The following MMP26 variants were observed in gnomAD, a reference collection of about 807,000 sequenced individuals.
MMP26 encodes matrix metallopeptidase 26, also known as matrix metalloproteinase-26.
A neutral mutation model predicts 31.0 loss-of-function variants in MMP26; 33 were observed. That is an observed-to-expected ratio of 1.06 (90% CI 0.81 to 1.42). The LOEUF (loss-of-function observed/expected upper bound fraction) is 1.42, where lower values mean the gene tolerates loss of function less well. MMP26 is among the 40% of genes most tolerant of loss of function. MMP26 has a pLI of 0.00. For missense variants in MMP26, 347 were observed against 316.1 expected (o/e 1.10, Z -0.74); for synonymous variants, 122 against 114.9 (o/e 1.06, Z -0.40).
At chr11:4,920,131 T>C (rs555555732) in intron 2 of MMP26, among the ~76,000 whole-genome samples, 2 of 152,142 alleles carry the variant, frequency 1.3e-5, no homozygotes, top group Non-Finnish European at 2.9e-5. Flanking sequence ...TAGGCTATTA[T>C]GTTTTGTGGA....
intron 2 of MMP26, chr11:4,848,532 C>A: frequency 1.2e-6 from 2 of 1,613,034 alleles, no homozygotes; most frequent in Non-Finnish European, 1.7e-6. Flanking sequence ...GCCAATCAGG[C>A]CATAGGAGAA....
chr11:4,844,587 G>T (rs1049595731), intron 2 of MMP26, among the ~76,000 whole-genome samples: 3 of 152,034 alleles, frequency 2.0e-5, no homozygotes, highest in African/African-American at 7.2e-5. Flanking sequence ...CTGTATCCCT[G>T]GGACACAAGA....
At chr11:4,785,152 T>A (rs550826662) in intron 2 of MMP26, among the ~76,000 whole-genome samples, 2 of 152,220 alleles carry the variant, frequency 1.3e-5, no homozygotes, top group Non-Finnish European at 2.9e-5. Context: ...TAACCAACCA[T>A]CCCAGTTTGC....
At chr11:4,822,131 G>T (rs565104047) in intron 2 of MMP26, 7 of 1,612,292 alleles carry the variant, frequency 4.3e-6, no homozygotes, top group Admixed American at 1.7e-5. Flanking sequence ...GAAGAGAGGC[G>T]GAAAGCCTTC....
At chr11:4,820,643 T>A (rs563102494) in intron 2 of MMP26, among the ~76,000 whole-genome samples, 1 of 152,124 alleles carries the variant, frequency 6.6e-6, no homozygotes, top group East Asian at 1.9e-4. Flanking sequence ...CTTCTTCTCC[T>A]CCTCCTCTGT....
At chr11:4,913,271 T>G (rs1010039566) in intron 2 of MMP26, 2 of 152,196 alleles carry the variant, frequency 1.3e-5, no homozygotes, top group Admixed American at 1.3e-4. Flanking sequence ...GACAGGCATA[T>G]CCAATGTTAA....
chr11:4,745,527 A>G (rs886979862), intron 1 of MMP26, among the ~76,000 whole-genome samples: 1 of 152,220 alleles, frequency 6.6e-6, no homozygotes, highest in Non-Finnish European at 1.5e-5. Context: ...CGCCACATGC[A>G]CATCCTACCC....
chr11:4,941,255 C>A (rs200115598), intron 2 of MMP26, among the ~76,000 whole-genome samples: 2 of 152,170 alleles, frequency 1.3e-5, no homozygotes, highest in East Asian at 3.9e-4. Context: ...CAAGAATGAA[C>A]AAACCATGGG....
chr11:4,915,254 T>C (rs890993383), intron 2 of MMP26: 1 of 1,613,760 alleles, frequency 6.2e-7, no homozygotes, highest in Non-Finnish European at 8.5e-7. Flanking sequence ...AATGGAAACA[T>C]AGTGCAAGGG....
intron 2 of MMP26, among the ~76,000 whole-genome samples, chr11:4,902,758 A>C (rs1199718276): frequency 2.4e-4 from 37 of 152,174 alleles, no homozygotes; most frequent in Admixed American, 2.4e-3. Flanking sequence ...TAACATGGAG[A>C]ATATGTAATC....
At chr11:4,938,803 G>A (rs947815497) in intron 2 of MMP26, among the ~76,000 whole-genome samples, 16 of 151,946 alleles carry the variant, frequency 1.1e-4, no homozygotes, top group Non-Finnish European at 2.2e-4. Context: ...TTGAAGTAAT[G>A]GCAGAACTGG....
chr11:4,990,628 A>G lies in MMP26; in HGVS notation c.351A>G (p.Pro117=). ...RIINYPHDMK[P]SAVKDSIYNA... is the part of the protein sequence containing the mutation. Reference sequence around the variant, plus strand: ...TCAATTACCCACATGATATGAAGCCATCCGCAGTGAAAGACAGTATATATA... The same window carrying G: ...TCAATTACCCACATGATATGAAGCCGTCCGCAGTGAAAGACAGTATATATA... The change falls in exon 5 of 8, where the codon CCA becomes CCG. Residue 117 remains proline, a synonymous_variant. Transcript: ENST00000380390. 1 of 1,613,742 alleles carries G rather than the reference A, an allele frequency of 6.2e-7. No homozygotes were observed. Among genetic ancestry groups the G allele is most frequent in the Non-Finnish European group, 8.5e-7 (1 of 1,179,738 alleles).
Position 4,946,181 on chromosome 11 carries a change from T to C in MMP26, c.-144-41887T>C, listed in dbSNP as rs766798981. 2.5e-6 allele frequency: 4 copies of C among 1,613,996 alleles called. No homozygotes were observed. In the Admixed American group the frequency reaches 6.7e-5, roughly 27 times the overall value. On this transcript the variant is annotated intron_variant, in intron 2 of 7. Transcript: ENST00000380390. ...CTGTTAAATCTTCCGTTGACACAAT[T>C]TTGCTACAACTCTCACTCTAATCTG...
In MMP26 at chr11:4,728,236, A is replaced by G. The variant is rs1043864411; in HGVS notation, c.-217+23191A>G. 2.6e-5 allele frequency among the ~76,000 whole-genome samples: 4 copies of G among 152,372 alleles called. No individual in the cohort carries two copies. In the East Asian group the frequency reaches 5.8e-4, roughly 22 times the overall value. ...GGGAAATGGTTCCTTGTTAAACATTATATTATAATCCAAGAAGAAATTAAA... is the reference window on the plus strand; with the variant it reads ...GGGAAATGGTTCCTTGTTAAACATTGTATTATAATCCAAGAAGAAATTAAA... On this transcript the variant is annotated intron_variant, in intron 1 of 7. Transcript: ENST00000380390.
chr11:4,806,947 G>A lies in MMP26; in HGVS notation c.-145+39606G>A, dbSNP rs542471255. On this transcript the variant is annotated intron_variant, in intron 2 of 7. Coordinates refer to ENST00000380390, the MANE Select transcript of MMP26 (RefSeq NM_021801.5). Reference sequence around the variant, plus strand: ...TATATCACCCTCAAATTGTCGTGGGGACAGTCCCCCAGCTTCAGGGGTACC... The same window carrying A: ...TATATCACCCTCAAATTGTCGTGGGAACAGTCCCCCAGCTTCAGGGGTACC... Among the ~76,000 whole-genome samples the A allele has an allele frequency of 7.9e-5, 12 of 152,174 alleles. No individual in the cohort carries two copies. The South Asian group carries it at 2.5e-3, about 32-fold the overall frequency.
intron 2 of MMP26, among the ~76,000 whole-genome samples, chr11:4,810,884 A>AAGC (rs1849340812): frequency 6.6e-6 from 1 of 152,224 alleles, no homozygotes; most frequent in Non-Finnish European, 1.5e-5. Context: ...GAAAACATAT[A>AAGC]AGCATGCAAA....
chr11:4,908,086 C>T (rs752873592), intron 2 of MMP26: 1 of 1,614,078 alleles, frequency 6.2e-7, no homozygotes, highest in Non-Finnish European at 8.5e-7. Context: ...CCCTAAATAC[C>T]TGTGTCTCCC....
chr11:4,730,403 A>AG (rs1491197759), intron 1 of MMP26, among the ~76,000 whole-genome samples: 157 of 137,678 alleles, frequency 1.1e-3, no homozygotes, highest in African/African-American at 4.1e-3. Context: ...GGTTTCTGGG[A>AG]AAGAGAGAGA....
chr11:4,717,319 G>T lies in MMP26; in HGVS notation c.-217+12274G>T, dbSNP rs574370879. Among the ~76,000 whole-genome samples the T allele has an allele frequency of 8.3e-4, 127 of 152,262 alleles. 1 individual carries two copies. The highest frequency in any genetic ancestry group is 2.7e-3 in the African/African-American group (114 of 41,550). ...TGGATTGCGGCTTGCACTCAGTAATGTTTGATGTTAAACAAAGCTAACATC... is the reference window on the plus strand; with the variant it reads ...TGGATTGCGGCTTGCACTCAGTAATTTTTGATGTTAAACAAAGCTAACATC... On this transcript the variant is annotated intron_variant, in intron 1 of 7. Coordinates refer to ENST00000380390, the MANE Select transcript of MMP26 (RefSeq NM_021801.5).
Sources: gnomAD v4.1 joint callset for allele counts (sites outside exome capture counted in the v4.1 genomes callset) on GRCh38, gnomAD v4.1.1 for gene constraint, MANE v1.5 for transcripts, NCBI Gene and HGNC (gene_info 2026-07-23, HGNC 2026-07-21) for gene names.